Variants in PTPRJ observed in about 807,000 individuals in gnomAD.
PTPRJ encodes the protein protein tyrosine phosphatase receptor type J.
A neutral mutation model predicts 141.3 loss-of-function variants in PTPRJ; 129 were observed. The observed-to-expected ratio is 0.91, with a 90% confidence interval of 0.79 to 1.06. PTPRJ has a LOEUF of 1.06. PTPRJ is among the 50% of genes least tolerant of loss of function. The pLI, the probability that PTPRJ is intolerant of heterozygous loss-of-function variation, is 0.00. For synonymous variants in PTPRJ, 610 were observed against 640.5 expected, an observed-to-expected ratio of 0.95 and a Z score of 0.72; for missense variants, 1,601 against 1,679.7, an observed-to-expected ratio of 0.95 and a Z score of 0.82.
chr11:47,988,876 C>CTTTTTTTTT (rs1854116991), intron 1 of PTPRJ, among the ~76,000 whole-genome samples: 2 of 107,804 alleles, frequency 1.9e-5, no homozygotes, highest in African/African-American at 8.9e-5. Flanking sequence ...AAAATTGTAT[C>CTTTTTTTTT]TTGTTTTTTT....
At chr11:48,014,287 C>CA (rs1407036910) in intron 1 of PTPRJ, 1 of 152,110 alleles carries the variant, frequency 6.6e-6, no homozygotes, top group African/African-American at 2.4e-5. Context: ...CTGGCCTGAA[C>CA]AAAATCAAAC....
In PTPRJ at chr11:48,150,098, C is replaced by G. The variant is rs371888310; in HGVS notation, c.3053C>G (p.Ser1018Cys). 16 of 1,612,940 alleles carry G rather than the reference C, an allele frequency of 9.9e-6. No individual in the cohort carries two copies. The highest frequency in any genetic ancestry group is 1.7e-5 in the Admixed American group (1 of 59,922). Residue 1018 changes from serine to cysteine, a missense_variant and splice_region_variant, in exon 18 of 25, where the codon TCT becomes TGT. Physicochemically the swap from Ser to Cys is moderately radical, Grantham distance 112. Coordinates refer to ENST00000418331, the MANE Select transcript of PTPRJ (RefSeq NM_002843.4). ...CCTGATAAGTTTTGTTTTCTTAGAT[C>G]TAAGTTAATCAGAGTGGAGAATTTT... ...VSFSQIKPKKSKLIRVENFEA... is the reference protein window; with the variant it reads ...VSFSQIKPKKCKLIRVENFEA...
intron 19 of PTPRJ, 31 bp from the exon 20 acceptor site, chr11:48,155,770 A>G: frequency 6.6e-7 from 1 of 1,519,000 alleles, no homozygotes; most frequent in Non-Finnish European, 9.0e-7. Flanking sequence ...ATTTGCTTAT[A>G]ATGGGGACCT....
intron 1 of PTPRJ, among the ~76,000 whole-genome samples, chr11:48,096,319 G>A (rs1856004169): frequency 6.6e-6 from 1 of 152,162 alleles, no homozygotes; most frequent in African/African-American, 2.4e-5. Flanking sequence ...TATGAAAACC[G>A]TATGGAGTTC....
At chr11:48,132,225 G>C (rs1370889434) in intron 8 of PTPRJ, 2 of 985,372 alleles carry the variant, frequency 2.0e-6, no homozygotes, top group Non-Finnish European at 2.4e-6. Flanking sequence ...GTTCTAGAAG[G>C]CTAATTGAAA....
intron 1 of PTPRJ, among the ~76,000 whole-genome samples, chr11:48,043,719 T>C (rs1854324429): frequency 6.6e-6 from 1 of 152,148 alleles, no homozygotes; most frequent in South Asian, 2.1e-4. Flanking sequence ...GACGGTGGGA[T>C]CCTTGAGGAG....
intron 1 of PTPRJ, among the ~76,000 whole-genome samples, chr11:48,022,626 TGAA>T (rs1400918342): frequency 1.3e-5 from 2 of 151,966 alleles, no homozygotes; most frequent in Admixed American, 1.3e-4. Flanking sequence ...ACCTGTAAAA[TGAA>T]GAAGTTTGAC....
intron 1 of PTPRJ, among the ~76,000 whole-genome samples, chr11:48,076,682 T>C (rs1855413656): frequency 6.6e-6 from 1 of 151,886 alleles, no homozygotes; most frequent in South Asian, 2.1e-4. Context: ...GCATTTAAGA[T>C]TTTTTTTGGG....
chr11:48,059,938 C>T (rs1854874042), intron 1 of PTPRJ, among the ~76,000 whole-genome samples: 1 of 152,284 alleles, frequency 6.6e-6, no homozygotes, highest in Middle Eastern at 3.4e-3. Flanking sequence ...AAGGAATCAT[C>T]ATAACCTGTT....
chr11:48,110,047 T>C lies in PTPRJ; in HGVS notation c.97-11T>C, dbSNP rs1184766365. 1 of 1,614,084 alleles carries C rather than the reference T, an allele frequency of 6.2e-7. No homozygotes were observed. Among genetic ancestry groups the C allele is most frequent in the South Asian group, 1.1e-5 (1 of 91,084 alleles). On this transcript the variant is annotated splice_polypyrimidine_tract_variant and intron_variant, in intron 1 of 24. Transcript: ENST00000418331. ...GAATCTGCTGACTTCCGTTTTCTTTTTCTGTTTCAGATCCTGTGCGCAGGT... is the reference window on the plus strand; with the variant it reads ...GAATCTGCTGACTTCCGTTTTCTTTCTCTGTTTCAGATCCTGTGCGCAGGT...
At chr11:48,008,329 T>C (rs1333571311) in intron 1 of PTPRJ, among the ~76,000 whole-genome samples, 15 of 152,176 alleles carry the variant, frequency 9.9e-5, no homozygotes, top group African/African-American at 3.1e-4. Flanking sequence ...GGCGTGATCT[T>C]GGCTCACTGC....
chr11:48,051,414 T>G (rs1006321067), intron 1 of PTPRJ, among the ~76,000 whole-genome samples: 23 of 152,158 alleles, frequency 1.5e-4, no homozygotes, highest in African/African-American at 5.1e-4. Context: ...GTTTTTTATT[T>G]AGAGGAAGTC....
chr11:47,982,335 A>G (rs901594496), intron 1 of PTPRJ, among the ~76,000 whole-genome samples: 1 of 152,190 alleles, frequency 6.6e-6, no homozygotes, highest in Non-Finnish European at 1.5e-5. Flanking sequence ...CCCTCAGTTA[A>G]CCGCATCTGT....
At chr11:48,135,158 C>T (rs1400109160) in intron 8 of PTPRJ, among the ~76,000 whole-genome samples, 1 of 148,376 alleles carries the variant, frequency 6.7e-6, no homozygotes, top group Admixed American at 6.9e-5. Flanking sequence ...CTTCAGATGA[C>T]CCCTTGAAGG....
chr11:48,150,845 C>T (rs1001381032), intron 18 of PTPRJ, among the ~76,000 whole-genome samples: 2 of 152,198 alleles, frequency 1.3e-5, no homozygotes, highest in Admixed American at 1.3e-4. Context: ...TCTGCCTTTG[C>T]TCTCTTGAAA....
intron 1 of PTPRJ, among the ~76,000 whole-genome samples, chr11:48,000,280 A>G (rs1854459651): frequency 6.6e-6 from 1 of 151,394 alleles, no homozygotes; most frequent in Non-Finnish European, 1.5e-5. Flanking sequence ...AGCTGGGACT[A>G]CAGATGTGTG....
At chr11:48,032,938 C>T (rs1003884817) in intron 1 of PTPRJ, among the ~76,000 whole-genome samples, 2 of 151,748 alleles carry the variant, frequency 1.3e-5, no homozygotes, top group Non-Finnish European at 2.9e-5. Flanking sequence ...AAAGTGTAGG[C>T]TGGGTGCAGT....
intron 1 of PTPRJ, among the ~76,000 whole-genome samples, chr11:47,994,093 TCCGGCAATCCAC>T (rs1212538182): frequency 6.6e-6 from 1 of 151,690 alleles, no homozygotes; most frequent in Admixed American, 6.6e-5. Context: ...ACTCTTGAGC[TCCGGCAATCCAC>T]CCGCTGCAGT....
intron 24 of PTPRJ, among the ~76,000 whole-genome samples, chr11:48,166,888 T>C (rs1334450888): frequency 1.3e-5 from 2 of 152,184 alleles, no homozygotes; most frequent in African/African-American, 2.4e-5. Flanking sequence ...TGTTCGAATG[T>C]GTGTGTGCAT....
Sources: gnomAD v4.1 joint callset for allele counts (sites outside exome capture counted in the v4.1 genomes callset) on GRCh38, gnomAD v4.1.1 for gene constraint, MANE v1.5 for transcripts, NCBI Gene and HGNC (gene_info 2026-07-23, HGNC 2026-07-21) for gene names.